Variants in TG observed in about 807,000 individuals in gnomAD.
TG encodes thyroid hormones.
In TG, 270 loss-of-function variants were observed where a neutral mutation model predicts 324.7. The observed-to-expected ratio is 0.83, with a 90% CI of 0.75 to 0.92. The LOEUF (loss-of-function observed/expected upper bound fraction) is 0.92. Among genes scored for constraint, TG ranks in the 40% least tolerant of loss-of-function variants. TG has a pLI of 0.00. For missense variants in TG, 3,591 were observed against 3,456.4 expected (o/e 1.04, Z -0.98); for synonymous variants, 1,401 against 1,327.0 (o/e 1.06, Z -1.21).
intron 44 of TG, among the ~76,000 whole-genome samples, chr8:133,114,027 G>A (rs940896454): frequency 5.9e-5 from 9 of 152,200 alleles, no homozygotes; most frequent in South Asian, 2.1e-4. Context: ...TCAGGCACAC[G>A]TGAGCGCATT....
chr8:132,905,398 CA>C (rs1563935797), intron 16 of TG, among the ~76,000 whole-genome samples: 4 of 152,110 alleles, frequency 2.6e-5, no homozygotes, highest in East Asian at 1.9e-4. Context: ...GCCCTTATCA[CA>C]AAAAAGACCA....
Position 132,900,301 on chromosome 8 carries a change from G to A in TG, c.3395G>A (p.Gly1132Glu). 1 of 1,613,952 alleles carries A rather than the reference G, an allele frequency of 6.2e-7. No individual in the cohort carries two copies. The highest frequency in any genetic ancestry group is 8.5e-7 in the Non-Finnish European group (1 of 1,179,970). Reference protein sequence around the residue: ...AGTWCVDPASGEELRPGSSSS... With the variant: ...AGTWCVDPASEEELRPGSSSS... ...ACCTGGTGTGTGGACCCTGCATCAG[G>A]AGAAGAGTTGCGGCCTGGCTCGAGC... The change falls in exon 15 of 48, where the codon GGA becomes GAA. Residue 1132 changes from glycine (G) to glutamate (E), a missense_variant. Gly to Glu is a moderately conservative substitution (Grantham distance 98). Transcript: ENST00000220616.
intron 41 of TG, chr8:133,038,389 T>G (rs1414635730): frequency 1.4e-6 from 1 of 693,380 alleles, no homozygotes; most frequent in Non-Finnish European, 2.6e-6. Context: ...CGAATTTGAG[T>G]CTCCATGTGG....
chr8:132,883,017 G>C lies in TG; in HGVS notation c.1075+18G>C, dbSNP rs765581511. 2 of 1,612,258 alleles carry C rather than the reference G, an allele frequency of 1.2e-6. No individual in the cohort carries two copies. Among genetic ancestry groups the C allele is most frequent in the Non-Finnish European group, 1.7e-6 (2 of 1,179,448 alleles). ...ATCTTGTGGTGGGTTTCCTCTGGGG[G>C]CTTCCTCTTTCGGCCTCGGATCATA... On this transcript the variant is annotated intron_variant, in intron 8 of 47. Transcript: ENST00000220616.
rs115575920 is a variant in TG at position 133,041,298 on chromosome 8, G to A, written c.7239+11275G>A. Among the ~76,000 whole-genome samples, 1,232 of 152,332 alleles carry A rather than the reference G, an allele frequency of 8.1e-3. 19 individuals carry two copies. The highest frequency in any genetic ancestry group is 0.028 in the African/African-American group (1,156 of 41,578). ...TCGGGTTTATGGAGTGCTCTCTGGG[G>A]CATCCTTGCCAAAGAACAAAAGGAA... is the stretch of plus-strand genomic sequence containing the variant. On this transcript the variant is annotated intron_variant, in intron 41 of 47. Coordinates refer to ENST00000220616, the MANE Select transcript of TG (RefSeq NM_003235.5).
intron 43 of TG, among the ~76,000 whole-genome samples, chr8:133,099,363 G>A (rs765107085): frequency 6.6e-6 from 1 of 152,192 alleles, no homozygotes; most frequent in Non-Finnish European, 1.5e-5. Context: ...ATCCTGCCAA[G>A]AACTCATCTA....
At chr8:132,937,739 A>G (rs1336089953) in intron 25 of TG, among the ~76,000 whole-genome samples, 3 of 147,792 alleles carry the variant, frequency 2.0e-5, no homozygotes, top group Admixed American at 7.0e-5. Flanking sequence ...AAAAAATGCA[A>G]TTGTATTTCT....
At chr8:132,951,826 A>AG (rs1202966780) in intron 27 of TG, among the ~76,000 whole-genome samples, 3 of 152,194 alleles carry the variant, frequency 2.0e-5, no homozygotes, top group African/African-American at 4.8e-5. Flanking sequence ...TGGAGGTGAG[A>AG]GGGAGGGAGT....
At chr8:133,012,371 T>C (rs746254048) in intron 36 of TG, among the ~76,000 whole-genome samples, 30 of 152,158 alleles carry the variant, frequency 2.0e-4, no homozygotes, top group Non-Finnish European at 4.0e-4. Context: ...TGGGCTGTTG[T>C]GGTGAGGAGG....
At chr8:133,100,268 C>T (rs1849041652) in intron 43 of TG, among the ~76,000 whole-genome samples, 1 of 152,182 alleles carries the variant, frequency 6.6e-6, no homozygotes, top group Non-Finnish European at 1.5e-5. Flanking sequence ...CCTTGCTTGA[C>T]CACTTGGATT....
intron 41 of TG, among the ~76,000 whole-genome samples, chr8:133,055,369 A>G (rs1335251461): frequency 3.6e-4 from 11 of 30,970 alleles, no homozygotes; most frequent in Middle Eastern, 0.015. Flanking sequence ...ACGCGCGCAC[A>G]CACACACACA....
Position 132,867,480 on chromosome 8 carries a change from C to T in TG, c.67+413C>T, listed in dbSNP as rs1026992112. 1.3e-5 allele frequency among the ~76,000 whole-genome samples: 2 copies of T among 150,858 alleles called. 1 individual carries two copies. Among genetic ancestry groups the T allele is most frequent in the African/African-American group, 4.9e-5 (2 of 41,068 alleles). The stretch of plus-strand genomic sequence containing the variant: ...ATAGCCCTAAGTTCTGTCTTTGGCT[C>T]AGCCACTTACCCATATGACTTCGGG... On this transcript the variant is annotated intron_variant, in intron 1 of 47. Coordinates refer to ENST00000220616, the MANE Select transcript of TG (RefSeq NM_003235.5).
intron 25 of TG, among the ~76,000 whole-genome samples, chr8:132,936,075 A>G (rs924651498): frequency 6.6e-6 from 1 of 152,210 alleles, no homozygotes; most frequent in African/African-American, 2.4e-5. Context: ...GACTGCAAAG[A>G]TATTTCCACA....
chr8:133,059,906 C>G (rs1321880288), intron 41 of TG, among the ~76,000 whole-genome samples: 1 of 152,194 alleles, frequency 6.6e-6, no homozygotes, highest in Non-Finnish European at 1.5e-5. Context: ...TTCAGGTGCG[C>G]CGAGCACCCA....
At chr8:133,010,478 A>G (rs1834407449) in intron 35 of TG, among the ~76,000 whole-genome samples, 1 of 152,226 alleles carries the variant, frequency 6.6e-6, no homozygotes, top group Non-Finnish European at 1.5e-5. Flanking sequence ...CACAAAAGCA[A>G]GCAAGAAGGT....
intron 35 of TG, chr8:133,001,707 C>A: frequency 1.0e-6 from 1 of 976,644 alleles, no homozygotes; most frequent in Non-Finnish European, 1.2e-6. Flanking sequence ...TTCCTTCCAG[C>A]AAGTGCCCTG....
chr8:132,960,723 A>G (rs1342416079), intron 27 of TG, among the ~76,000 whole-genome samples: 1 of 152,180 alleles, frequency 6.6e-6, no homozygotes, highest in Non-Finnish European at 1.5e-5. Context: ...CTTCAAGCCA[A>G]TCTCCAGTTC....
At chr8:132,881,548 C>T (rs1016932578) in intron 5 of TG, among the ~76,000 whole-genome samples, 1 of 152,196 alleles carries the variant, frequency 6.6e-6, no homozygotes, top group African/African-American at 2.4e-5. Context: ...TTTTCCTTGA[C>T]TGCTTTCTGC....
intron 40 of TG, among the ~76,000 whole-genome samples, chr8:133,023,984 G>A (rs939267377): frequency 1.3e-5 from 2 of 152,220 alleles, no homozygotes; most frequent in Non-Finnish European, 2.9e-5. Context: ...ATCAGCAAGA[G>A]AGAAGGAAAG....
Sources: gnomAD v4.1 joint callset for allele counts (sites outside exome capture counted in the v4.1 genomes callset) on GRCh38, gnomAD v4.1.1 for gene constraint, MANE v1.5 for transcripts, NCBI Gene and HGNC (gene_info 2026-07-23, HGNC 2026-07-21) for gene names.